SLC6A6: variants seen among roughly 807,000 people sequenced by gnomAD.
The protein encoded by SLC6A6 is sodium- and chloride-dependent taurine transporter.
Under a neutral mutation model 68.8 loss-of-function variants are expected in SLC6A6, and 16 were observed. The ratio of observed to expected loss-of-function variants is 0.23; its 90% CI spans 0.16 to 0.35. The LOEUF (loss-of-function observed/expected upper bound fraction) is 0.35, where lower values mean the gene tolerates loss of function less well. SLC6A6 is among the 10% of genes least tolerant of loss of function. The pLI is 1.00. For synonymous variants in SLC6A6, 312 were observed against 315.4 expected (o/e 0.99, Z 0.12); for missense variants, 474 against 802.8 (o/e 0.59, Z 4.95).
chr3:14,445,369 C>T (rs1574938931), intron 3 of SLC6A6, among the ~76,000 whole-genome samples: 1 of 150,312 alleles, frequency 6.7e-6, no homozygotes, highest in Admixed American at 6.6e-5. Context: ...TGCAGTGAGC[C>T]GAGATCACGC....
At chr3:14,438,664 C>A (rs1362670005) in intron 2 of SLC6A6, among the ~76,000 whole-genome samples, 1 of 152,174 alleles carries the variant, frequency 6.6e-6, no homozygotes, top group East Asian at 1.9e-4. Context: ...TGCTGAGAAA[C>A]CTGGCCCAGA....
At chr3:14,407,448 C>G (rs538547014) in intron 1 of SLC6A6, among the ~76,000 whole-genome samples, 1 of 152,086 alleles carries the variant, frequency 6.6e-6, no homozygotes, top group African/African-American at 2.4e-5. Flanking sequence ...ATTTCCAGCA[C>G]CTCAGAAAGT....
At chr3:14,453,315 G>A (rs1007098070) in intron 5 of SLC6A6, among the ~76,000 whole-genome samples, 29 of 152,230 alleles carry the variant, frequency 1.9e-4, no homozygotes, top group Non-Finnish European at 7.3e-5. Flanking sequence ...TCTTGGACAA[G>A]AATGCAGCTT....
At chr3:14,476,917 C>T (rs962137223) in intron 10 of SLC6A6, among the ~76,000 whole-genome samples, 4 of 152,226 alleles carry the variant, frequency 2.6e-5, no homozygotes, top group African/African-American at 9.6e-5. Context: ...ATTCTGGTGG[C>T]AGGAACAGCC....
intron 6 of SLC6A6, among the ~76,000 whole-genome samples, chr3:14,463,940 G>A (rs1345392547): frequency 6.6e-6 from 1 of 152,210 alleles, no homozygotes; most frequent in Non-Finnish European, 1.5e-5. Context: ...CAAGGTCAGC[G>A]TTCCCTTATC....
intron 1 of SLC6A6, among the ~76,000 whole-genome samples, chr3:14,414,182 C>T (rs1026324686): frequency 5.9e-5 from 9 of 152,260 alleles, no homozygotes; most frequent in African/African-American, 2.2e-4. Context: ...CCATGGATGC[C>T]CTAGCTGCTC....
intron 3 of SLC6A6, among the ~76,000 whole-genome samples, chr3:14,445,187 C>A (rs936617388): frequency 6.6e-6 from 1 of 152,048 alleles, no homozygotes; most frequent in African/African-American, 2.4e-5. Flanking sequence ...CTTTGGGAGG[C>A]CAAGGCGGGC....
intron 2 of SLC6A6, among the ~76,000 whole-genome samples, chr3:14,422,769 G>A (rs1218153211): frequency 6.6e-6 from 1 of 152,118 alleles, no homozygotes; most frequent in Non-Finnish European, 1.5e-5. Context: ...GTCCCACCTG[G>A]GCCATTGTGT....
chr3:14,451,838 G>A (rs1700258363), intron 5 of SLC6A6, among the ~76,000 whole-genome samples: 1 of 152,138 alleles, frequency 6.6e-6, no homozygotes, highest in Non-Finnish European at 1.5e-5. Flanking sequence ...GATTTTTTGC[G>A]CGTTGCTGTC....
chr3:14,459,391 G>A (rs1287243806), intron 6 of SLC6A6, among the ~76,000 whole-genome samples: 1 of 152,158 alleles, frequency 6.6e-6, no homozygotes, highest in Non-Finnish European at 1.5e-5. Flanking sequence ...AATTATTCCA[G>A]TCACTTACCC....
intron 3 of SLC6A6, 107 bp downstream of exon 3, chr3:14,443,970 C>CT (rs749518047): frequency 7.2e-5 from 52 of 726,956 alleles, no homozygotes; most frequent in Non-Finnish European, 9.7e-5. Flanking sequence ...CTTTCCCTGG[C>CT]CCCCCCCCTT....
Position 14,428,864 on chromosome 3 carries a change from A to G in SLC6A6, c.-12+12411A>G, listed in dbSNP as rs1483654372. The stretch of plus-strand genomic sequence containing the variant: ...TGGGGAAGTCCCACCTGCTGCCTCC[A>G]CTGGAGAAAGTGACTCCTCTCTGCT... On this transcript the variant is annotated intron_variant, in intron 2 of 14. Coordinates refer to ENST00000622186, the MANE Select transcript of SLC6A6 (RefSeq NM_003043.6). 3.9e-5 allele frequency among the ~76,000 whole-genome samples: 6 copies of G among 152,234 alleles called. No individual in the cohort carries two copies. The South Asian group carries it at 1.2e-3, about 32-fold the overall frequency.
At chr3:14,460,299 G>A (rs376984185) in intron 6 of SLC6A6, among the ~76,000 whole-genome samples, 22 of 151,962 alleles carry the variant, frequency 1.4e-4, no homozygotes, top group East Asian at 5.8e-4. Context: ...GTAACAAAAC[G>A]AATGGGAAAA....
chr3:14,439,634 G>A (rs1367266249), intron 2 of SLC6A6, among the ~76,000 whole-genome samples: 5 of 152,180 alleles, frequency 3.3e-5, no homozygotes, highest in East Asian at 3.8e-4. Flanking sequence ...TATGTATCTC[G>A]GCTGCTGCAA....
At chr3:14,426,266 A>G (rs1367558720) in intron 2 of SLC6A6, among the ~76,000 whole-genome samples, 2 of 152,128 alleles carry the variant, frequency 1.3e-5, no homozygotes, top group African/African-American at 4.8e-5. Flanking sequence ...TGGCTGTGCA[A>G]CCTCGGTCAA....
At chr3:14,451,487 G>C (rs1010827586) in intron 5 of SLC6A6, among the ~76,000 whole-genome samples, 2 of 152,358 alleles carry the variant, frequency 1.3e-5, no homozygotes, top group Admixed American at 1.3e-4. Context: ...TAGGATGCAC[G>C]GGTGAGGGCC....
In SLC6A6 at chr3:14,426,919, C is replaced by T. The variant is rs150296592; in HGVS notation, c.-12+10466C>T. Among the ~76,000 whole-genome samples the T allele has an allele frequency of 3.4e-3, 516 of 152,234 alleles. 6 individuals are homozygous for T. Among genetic ancestry groups the T allele is most frequent in the East Asian group, 0.024 (123 of 5,178 alleles). ...TGGGAATGGCAGGGCCTCCCAGAAACGGCGTGGCGATGGGGGTTCTGTGAT... is the reference window on the plus strand; with the variant it reads ...TGGGAATGGCAGGGCCTCCCAGAAATGGCGTGGCGATGGGGGTTCTGTGAT... On this transcript the variant is annotated intron_variant, in intron 2 of 14. Transcript: ENST00000622186.
chr3:14,440,181 C>G (rs1699949747), intron 2 of SLC6A6, among the ~76,000 whole-genome samples: 1 of 152,098 alleles, frequency 6.6e-6, no homozygotes, highest in African/African-American at 2.4e-5. Flanking sequence ...TACAGTTACC[C>G]CATTTTACAG....
At position 14,478,562 on chromosome 3, in the gene SLC6A6, A is replaced by C; in HGVS notation, c.1444A>C (p.Ile482Leu). 6.3e-7 allele frequency: 1 copy of C among 1,590,312 alleles called. No individual in the cohort carries two copies. Among genetic ancestry groups the C allele is most frequent in the Non-Finnish European group, 8.6e-7 (1 of 1,158,472 alleles). ...AFFECFVIAW[I>L]YGGDNLYDGI... is the part of the protein sequence containing the mutation. ...CTTTGAATGTTTTGTTATTGCCTGGATATATGGTGAGTACAGATTTTTTCA... is the reference window on the plus strand; with the variant it reads ...CTTTGAATGTTTTGTTATTGCCTGGCTATATGGTGAGTACAGATTTTTTCA... Residue 482 changes from isoleucine (I) to leucine (L), a missense_variant, in exon 12 of 15, where the codon ATA becomes CTA. Transcript: ENST00000622186.
Sources: allele counts gnomAD v4.1 joint callset (sites outside exome capture counted in the v4.1 genomes callset), GRCh38; gene constraint gnomAD v4.1.1; transcripts MANE v1.5; gene names NCBI Gene and HGNC (gene_info 2026-07-23, HGNC 2026-07-21).